Variants in SHC4 observed in about 807,000 individuals in gnomAD.
The protein encoded by SHC4 is SHC-transforming protein 4.
Under a neutral mutation model 69.4 loss-of-function variants are expected in SHC4, and 41 were observed. That is an observed-to-expected ratio of 0.59 (90% CI 0.46 to 0.77). The LOEUF is 0.77. Ranked by LOEUF, SHC4 falls within the 30% of genes least tolerant of loss-of-function variation. The probability of loss-of-function intolerance (pLI) is 0.00; values close to 1 mark genes in which losing one functional copy is unlikely to be tolerated. For missense variants in SHC4, 777 were observed against 783.8 expected (o/e 0.99, Z 0.10); for synonymous variants, 318 against 299.3 (o/e 1.06, Z -0.64).
intron 2 of SHC4, among the ~76,000 whole-genome samples, chr15:48,921,787 A>G (rs1289668614): frequency 1.3e-5 from 2 of 152,270 alleles, no homozygotes; most frequent in African/African-American, 4.8e-5. Flanking sequence ...TGATTAAAAT[A>G]GTAAATCTTG....
At chr15:48,933,807 T>C (rs996343384) in intron 1 of SHC4, among the ~76,000 whole-genome samples, 1 of 152,186 alleles carries the variant, frequency 6.6e-6, no homozygotes, top group East Asian at 1.9e-4. Flanking sequence ...GCATTTACTG[T>C]CAATTGAATT....
chr15:48,890,126 T>C (rs775304856), intron 3 of SHC4, among the ~76,000 whole-genome samples: 12 of 152,162 alleles, frequency 7.9e-5, no homozygotes, highest in Middle Eastern at 3.2e-3. Flanking sequence ...ATTTTACAGA[T>C]GAGTAAACCA....
intron 2 of SHC4, among the ~76,000 whole-genome samples, chr15:48,895,983 G>T (rs907748948): frequency 4.7e-4 from 72 of 152,100 alleles, no homozygotes; most frequent in African/African-American, 1.6e-3. Context: ...AGCTACCCAG[G>T]AGCCCGATGC....
In SHC4 at chr15:48,834,802, T is replaced by C. The variant is rs1240415503; in HGVS notation, c.1704A>G (p.Ala568=). ...CAGGATCCACCAGGAGAAGATGTTT[T>C]GCTTGGCCTCCCTGTAGTCCACTCA... The part of the protein sequence containing the change: ...YVLSGLQGGQ[A]KHLLLVDPEG... The change falls in exon 11 of 12, where the codon GCA becomes GCG. Residue 568 remains alanine, a synonymous_variant. Coordinates refer to ENST00000332408, the MANE Select transcript of SHC4 (RefSeq NM_203349.4). The C allele has an allele frequency of 1.3e-5, 21 of 1,614,074 alleles. No homozygotes were observed. The highest frequency in any genetic ancestry group is 1.8e-5 in the Non-Finnish European group (21 of 1,180,018).
intron 8 of SHC4, among the ~76,000 whole-genome samples, chr15:48,854,516 T>G (rs1899274230): frequency 6.6e-6 from 1 of 152,176 alleles, no homozygotes; most frequent in Non-Finnish European, 1.5e-5. Flanking sequence ...ACACATGCAT[T>G]TCTATGTTCA....
At chr15:48,954,701 C>G (rs76236818) in intron 1 of SHC4, among the ~76,000 whole-genome samples, 1 of 152,088 alleles carries the variant, frequency 6.6e-6, no homozygotes, top group Non-Finnish European at 1.5e-5. Flanking sequence ...CGCTGCTGGC[C>G]GGGAGAAAGT....
intron 2 of SHC4, among the ~76,000 whole-genome samples, chr15:48,895,358 T>C (rs1215223843): frequency 6.6e-6 from 1 of 151,976 alleles, no homozygotes; most frequent in East Asian, 1.9e-4. Context: ...GCCAGATGGA[T>C]AAAAAGGAGG....
chr15:48,962,366 A>G, intron 1 of SHC4, 65 bp downstream of exon 1: 1 of 1,473,704 alleles, frequency 6.8e-7, no homozygotes, highest in South Asian at 1.4e-5. Flanking sequence ...GACCCCTTGC[A>G]GAAAGCAGAG....
intron 4 of SHC4, chr15:48,877,982 G>C: frequency 1.7e-6 from 1 of 572,856 alleles, no homozygotes. Flanking sequence ...AGCTCAAAAG[G>C]CGACGCCAAC....
At chr15:48,960,165 A>G (rs1901518906) in intron 1 of SHC4, among the ~76,000 whole-genome samples, 1 of 152,206 alleles carries the variant, frequency 6.6e-6, no homozygotes, top group South Asian at 2.1e-4. Flanking sequence ...GAAAAGACAG[A>G]TGGTGCCCCC....
intron 4 of SHC4, 116 bp downstream of exon 4, chr15:48,884,132 C>T: frequency 8.8e-7 from 1 of 1,135,268 alleles, no homozygotes; most frequent in Admixed American, 4.0e-5. Flanking sequence ...AGATTTTTCC[C>T]TTGTGCTGTA....
At chr15:48,906,974 C>G (rs1248367627) in intron 2 of SHC4, among the ~76,000 whole-genome samples, 1 of 152,206 alleles carries the variant, frequency 6.6e-6, no homozygotes. Context: ...ATATGCACCA[C>G]AGGATCTCAC....
At chr15:48,919,263 A>ACACCCTCTC (rs1322431551) in intron 2 of SHC4, among the ~76,000 whole-genome samples, 1 of 126,228 alleles carries the variant, frequency 7.9e-6, no homozygotes, top group Non-Finnish European at 1.8e-5. Context: ...GAGAAGATGC[A>ACACCCTCTC]CACCCTCTCA....
At chr15:48,876,812 T>C (rs1899809911) in intron 4 of SHC4, 3 of 371,902 alleles carry the variant, frequency 8.1e-6, no homozygotes, top group South Asian at 7.5e-5. Flanking sequence ...CTGACTCAAA[T>C]GTTAATCTCC....
intron 9 of SHC4, 78 bp from the exon 10 acceptor site, chr15:48,843,666 T>A: frequency 7.2e-7 from 1 of 1,393,290 alleles, no homozygotes; most frequent in Non-Finnish European, 9.8e-7. Flanking sequence ...GAGTCTAGAA[T>A]TGATAGAAAC....
At chr15:48,896,301 CCTCT>C (rs1169590147) in intron 2 of SHC4, among the ~76,000 whole-genome samples, 1 of 135,088 alleles carries the variant, frequency 7.4e-6, no homozygotes, top group East Asian at 2.3e-4. Flanking sequence ...CCTCCCTCTC[CCTCT>C]CTCTCTCTTT....
intron 5 of SHC4, 46 bp downstream of exon 5, chr15:48,872,043 A>G: frequency 8.3e-7 from 1 of 1,198,608 alleles, no homozygotes; most frequent in African/African-American, 1.5e-5. Flanking sequence ...AAATGTCAAG[A>G]AGTTATTTTA....
At chr15:48,866,451 C>T (rs1029698496) in intron 6 of SHC4, among the ~76,000 whole-genome samples, 2 of 152,200 alleles carry the variant, frequency 1.3e-5, no homozygotes, top group Non-Finnish European at 2.9e-5. Context: ...TCTGTGCCAG[C>T]AGCTGGGCTT....
chr15:48,913,891 G>A (rs1900563363), intron 2 of SHC4, among the ~76,000 whole-genome samples: 1 of 152,254 alleles, frequency 6.6e-6, no homozygotes, highest in African/African-American at 2.4e-5. Context: ...GGGTGTGTTT[G>A]TTCAGGAGAG....
Sources: allele counts gnomAD v4.1 joint callset (sites outside exome capture counted in the v4.1 genomes callset), GRCh38; gene constraint gnomAD v4.1.1; transcripts MANE v1.5; gene names NCBI Gene and HGNC (gene_info 2026-07-23, HGNC 2026-07-21).